MSL2: variants seen among roughly 807,000 people sequenced by gnomAD.
The protein encoded by MSL2 is MSL complex subunit 2, also known as E3 ubiquitin-protein ligase MSL2.
In MSL2, 2 loss-of-function variants were observed where a neutral mutation model predicts 35.8. That is an observed-to-expected ratio of 0.06 (90% confidence interval 0.02 to 0.18). MSL2 has a LOEUF of 0.18. MSL2 is among the 10% of genes least tolerant of loss of function. The pLI is 1.00. For synonymous variants in MSL2, 296 were observed against 255.7 expected, an observed-to-expected ratio of 1.16 and a Z score of -1.50; for missense variants, 523 against 706.7, an observed-to-expected ratio of 0.74 and a Z score of 2.95.
intron 1 of MSL2, chr3:136,152,991 C>CA (rs1241846033): frequency 1.0e-6 from 1 of 985,300 alleles, no homozygotes; most frequent in Admixed American, 6.1e-5. Flanking sequence ...CCAAGCAATA[C>CA]GTTCTGGTCC....
At chr3:136,176,597 G>C (rs1940189110) in intron 1 of MSL2, among the ~76,000 whole-genome samples, 1 of 151,034 alleles carries the variant, frequency 6.6e-6, no homozygotes, top group African/African-American at 2.4e-5. Flanking sequence ...GGCTGAGGCA[G>C]GAGAATCACT....
At chr3:136,166,459 G>C (rs79221914) in intron 1 of MSL2, among the ~76,000 whole-genome samples, 7 of 151,914 alleles carry the variant, frequency 4.6e-5, no homozygotes, top group Admixed American at 2.0e-4. Flanking sequence ...AAAAAAATTT[G>C]TTAAGTAATA....
At chr3:136,163,682 A>G (rs994703377) in intron 1 of MSL2, among the ~76,000 whole-genome samples, 2 of 152,178 alleles carry the variant, frequency 1.3e-5, no homozygotes, top group African/African-American at 4.8e-5. Context: ...TCCAAATCTC[A>G]TCTTGAATTG....
chr3:136,191,625 T>C (rs1014918114), intron 1 of MSL2, among the ~76,000 whole-genome samples: 1 of 152,080 alleles, frequency 6.6e-6, no homozygotes, highest in African/African-American at 2.4e-5. Context: ...ACAAAAACTT[T>C]AGCTGGGCAT....
intron 1 of MSL2, among the ~76,000 whole-genome samples, chr3:136,154,144 C>A (rs1205391467): frequency 6.9e-6 from 1 of 144,016 alleles, no homozygotes; most frequent in African/African-American, 2.6e-5. Flanking sequence ...TACATTAAAA[C>A]AAAGAAAAAA....
At chr3:136,187,619 G>A (rs1400780385) in intron 1 of MSL2, among the ~76,000 whole-genome samples, 5 of 150,356 alleles carry the variant, frequency 3.3e-5, no homozygotes, top group Admixed American at 6.6e-5. Context: ...GCAGTGAGCC[G>A]AGATCACACC....
In MSL2 at chr3:136,149,612, C is replaced by CCAA. The variant is rs112522244; in HGVS notation, c.*1532_*1534dup. On this transcript the variant is annotated 3_prime_UTR_variant, in exon 2 of 2. Transcript: ENST00000309993. Reference sequence around the variant, plus strand: ...CAAAAAAAAAAAAAGAAAAAAAAGCCCAACAACAACAACAAAAACAACTCT... The same window carrying CCAA: ...CAAAAAAAAAAAAAGAAAAAAAAGCCCAACAACAACAACAACAAAAACAACTCT... 1.7e-4 allele frequency: 23 copies of CCAA among 136,528 alleles called. No homozygotes were observed. The highest frequency in any genetic ancestry group is 4.9e-4 in the South Asian group (2 of 4,122). 8.5% of individuals were successfully genotyped at this position (136,528 alleles called of 1,614,324 possible). A position where few individuals can be genotyped will look rare whatever the true frequency, so the allele number is the denominator to read the frequency against.
chr3:136,159,959 A>C (rs1230740432), intron 1 of MSL2, among the ~76,000 whole-genome samples: 1 of 152,078 alleles, frequency 6.6e-6, no homozygotes, highest in Non-Finnish European at 1.5e-5. Flanking sequence ...CTGTGCTTCA[A>C]CAAAAGACAC....
Position 136,152,450 on chromosome 3 carries a change from T to C in MSL2, c.431A>G (p.Glu144Gly). 6.2e-7 allele frequency: 1 copy of C among 1,614,198 alleles called. No homozygotes were observed. Among genetic ancestry groups the C allele is most frequent in the Non-Finnish European group, 8.5e-7 (1 of 1,180,034 alleles). Residue 144 changes from glutamate (E) to glycine (G), a missense_variant, in exon 2 of 2, where the codon GAA (glutamate) becomes GGA (glycine). By Grantham distance (98) the Glu-to-Gly change is moderately conservative. Around this residue, in one of 5 missense-constraint regions of MSL2, gnomAD observed 361 missense variants for 414.6 expected, o/e 0.87. Transcript: ENST00000309993. ...NDGSLFCEET[E>G]KPSDSSFTLC... ...AGTAAAGGATGAATCTGAGGGTTTTTCTGTCTCCTCACAAAACAATGATCC... is the reference window on the plus strand; with the variant it reads ...AGTAAAGGATGAATCTGAGGGTTTTCCTGTCTCCTCACAAAACAATGATCC...
At chr3:136,178,911 G>C (rs1054134428) in intron 1 of MSL2, among the ~76,000 whole-genome samples, 3 of 151,316 alleles carry the variant, frequency 2.0e-5, no homozygotes, top group Non-Finnish European at 4.4e-5. Context: ...GTTATTACCA[G>C]GATCACTTAC....
At chr3:136,183,154 G>A (rs1940416829) in intron 1 of MSL2, among the ~76,000 whole-genome samples, 1 of 151,934 alleles carries the variant, frequency 6.6e-6, no homozygotes. Context: ...AATTAACCAG[G>A]CCAAGAAAGA....
intron 1 of MSL2, chr3:136,155,981 T>C (rs775945733): frequency 2.3e-5 from 9 of 392,346 alleles, no homozygotes; most frequent in Non-Finnish European, 4.1e-5. Flanking sequence ...AAATAATGAA[T>C]ACATTTCCAT....
At chr3:136,156,306 G>C (rs1939519353) in intron 1 of MSL2, among the ~76,000 whole-genome samples, 1 of 152,194 alleles carries the variant, frequency 6.6e-6, no homozygotes, top group South Asian at 2.1e-4. Context: ...GAGTGCTGAA[G>C]TAATGGAAGT....
intron 1 of MSL2, among the ~76,000 whole-genome samples, chr3:136,182,864 A>C (rs1204249915): frequency 6.6e-6 from 1 of 152,210 alleles, no homozygotes; most frequent in Non-Finnish European, 1.5e-5. Context: ...CAACTCACAG[A>C]AGTAGCAGAG....
chr3:136,168,921 A>AC (rs1245746812), intron 1 of MSL2, among the ~76,000 whole-genome samples: 3 of 152,080 alleles, frequency 2.0e-5, no homozygotes, highest in Non-Finnish European at 4.4e-5. Flanking sequence ...AAGCATAGCT[A>AC]CAATCATATA....
At chr3:136,156,411 G>A (rs1486244673) in intron 1 of MSL2, among the ~76,000 whole-genome samples, 2 of 152,108 alleles carry the variant, frequency 1.3e-5, no homozygotes, top group Non-Finnish European at 1.5e-5. Flanking sequence ...TGGGTGTAGA[G>A]AAGCAAGTTA....
intron 1 of MSL2, among the ~76,000 whole-genome samples, chr3:136,171,459 T>C (rs1006701246): frequency 6.6e-6 from 1 of 152,216 alleles, no homozygotes; most frequent in Non-Finnish European, 1.5e-5. Flanking sequence ...AACGAAAGCA[T>C]GTGACCATGA....
rs1034260034 is a variant in MSL2, at chr3:136,195,701, G to T, written c.-588C>A. The T allele has an allele frequency of 4.7e-5, 46 of 985,254 alleles. No individual in the cohort carries two copies. Among genetic ancestry groups the T allele is most frequent in the Non-Finnish European group, 5.4e-5 (45 of 829,904 alleles). The allele number at this position is 985,254 out of a possible 1,614,324, so 61.0% of individuals were successfully genotyped here. A position where few individuals can be genotyped will look rare whatever the true frequency, so the allele number is the denominator to read the frequency against. On this transcript the variant is annotated 5_prime_UTR_variant, in exon 1 of 2. Transcript: ENST00000309993. ...ACGAAGGTTGATGTTGCGGCTGGCG[G>T]ACGCCGCCGCCGCGCTCTCCATATC...
At position 136,195,223 on chromosome 3, in the gene MSL2, G is replaced by A; in HGVS notation, c.-110C>T. 4 of 1,519,356 alleles carry A rather than the reference G, an allele frequency of 2.6e-6. No homozygotes were observed. Among genetic ancestry groups the A allele is most frequent in the Non-Finnish European group, 3.5e-6 (4 of 1,138,308 alleles). The allele number at this position is 1,519,356 out of a possible 1,614,324, so 94.1% of individuals were successfully genotyped here. The stretch of plus-strand genomic sequence containing the variant: ...TTGCAACAATTCGGAAGAAATCAGA[G>A]CCGAACCATTGGCCAAACAAGTAAC... On this transcript the variant is annotated 5_prime_UTR_variant, in exon 1 of 2. Coordinates refer to ENST00000309993, the MANE Select transcript of MSL2 (RefSeq NM_018133.4).
Sources: allele counts gnomAD v4.1 joint callset (sites outside exome capture counted in the v4.1 genomes callset), GRCh38; gene constraint gnomAD v4.1.1; regional missense constraint gnomAD v4.1.1; transcripts MANE v1.5; gene names NCBI Gene and HGNC (gene_info 2026-07-23, HGNC 2026-07-21).